Variants in MTUS1 observed in about 807,000 individuals in gnomAD.
The protein encoded by MTUS1 is microtubule associated scaffold protein 1, also known as microtubule-associated tumor suppressor 1.
In MTUS1, 109 loss-of-function variants were observed where a neutral mutation model predicts 120.8. The observed-to-expected ratio is 0.90, with a 90% confidence interval of 0.77 to 1.06. MTUS1 has a LOEUF of 1.06. MTUS1 is among the 50% of genes least tolerant of loss of function. The pLI is 0.00. For missense variants in MTUS1, 2,210 were observed against 1,486.3 expected, an observed-to-expected ratio of 1.49 and a Z score of -8.01; for synonymous variants, 737 against 550.5, an observed-to-expected ratio of 1.34 and a Z score of -4.74.
chr8:17,653,365 A>G, intron 11 of MTUS1, 60 bp downstream of exon 11: 1 of 1,538,676 alleles, frequency 6.5e-7, no homozygotes. Context: ...TTAAAACCAA[A>G]CAAAATCAAA....
chr8:17,787,058 C>A (rs1405871233), intron 1 of MTUS1, among the ~76,000 whole-genome samples: 1 of 152,170 alleles, frequency 6.6e-6, no homozygotes, highest in Non-Finnish European at 1.5e-5. Flanking sequence ...AGCTTCAGGA[C>A]ATCATAAGGG....
At position 17,755,652 on chromosome 8, in the gene MTUS1, A is replaced by G. The variant is rs757587024; in HGVS notation, c.156T>C (p.Asp52=). ...CAGTTTCATAATCAACCACCATGTC[A>G]TCTGGGTTGGCAGAATTCCAGTTCA... ...SSVNWNSANP[D]DMVVDYETDP... is the part of the protein sequence containing the mutation. Residue 52 remains aspartate, a synonymous_variant, in exon 2 of 15, where the codon GAT becomes GAC. Transcript: ENST00000693296. The G allele has an allele frequency of 1.7e-5, 28 of 1,614,082 alleles. No homozygotes were observed. The highest frequency in any genetic ancestry group is 5.0e-5 in the Admixed American group (3 of 60,006).
intron 7 of MTUS1, among the ~76,000 whole-genome samples, chr8:17,683,033 G>T (rs1286414940): frequency 6.6e-6 from 1 of 152,240 alleles, no homozygotes; most frequent in Non-Finnish European, 1.5e-5. Flanking sequence ...AGGACTTTGG[G>T]AGGCCGAGGC....
intron 12 of MTUS1, among the ~76,000 whole-genome samples, chr8:17,651,296 T>C (rs1189170403): frequency 6.6e-6 from 1 of 152,076 alleles, no homozygotes; most frequent in African/African-American, 2.4e-5. Context: ...GTAGGGTGAC[T>C]ATAGTTAATA....
intron 6 of MTUS1, chr8:17,708,738 G>C (rs533710163): frequency 4.6e-5 from 7 of 152,294 alleles, no homozygotes; most frequent in Non-Finnish European, 5.9e-5. Flanking sequence ...ACCCTATAAA[G>C]GCTTTAGTAA....
At chr8:17,770,658 C>G (rs1246786396) in intron 1 of MTUS1, 1 of 152,214 alleles carries the variant, frequency 6.6e-6, no homozygotes, top group Non-Finnish European at 1.5e-5. Context: ...TTCAGCCTTG[C>G]AGCAGTAATA....
In MTUS1 at chr8:17,753,816, A is replaced by C; in HGVS notation, c.1992T>G (p.Pro664=). The change falls in exon 2 of 15, where the codon CCT becomes CCG. Residue 664 remains proline, a synonymous_variant. Transcript: ENST00000693296. ...CATTTTCTTTTTCACCCTTCTTTTC[A>C]GGGCTAATCCTATCAATGTTGGGAA... ...TYVPNIDRIS[P]EKKGEKENGT... The C allele has an allele frequency of 1.9e-6, 3 of 1,613,844 alleles. No individual in the cohort carries two copies. The highest frequency in any genetic ancestry group is 2.5e-6 in the Non-Finnish European group (3 of 1,179,948).
At chr8:17,780,486 T>C (rs1275009761) in intron 1 of MTUS1, among the ~76,000 whole-genome samples, 1 of 152,206 alleles carries the variant, frequency 6.6e-6, no homozygotes, top group East Asian at 1.9e-4. Context: ...TTCCTTCTTG[T>C]CCTAGTGTTC....
chr8:17,707,402 GTC>G (rs1820385604), intron 6 of MTUS1, among the ~76,000 whole-genome samples: 1 of 152,132 alleles, frequency 6.6e-6, no homozygotes, highest in Admixed American at 6.5e-5. Context: ...TACCAGGTTA[GTC>G]TTAAGTCATG....
chr8:17,675,074 G>A, intron 8 of MTUS1, 112 bp downstream of exon 8: 4 of 1,557,506 alleles, frequency 2.6e-6, no homozygotes, highest in South Asian at 2.4e-5. Flanking sequence ...TAGACAGGGA[G>A]TGCCAACAGC....
chr8:17,793,500 T>C (rs757225092), intron 1 of MTUS1, among the ~76,000 whole-genome samples: 7 of 152,142 alleles, frequency 4.6e-5, no homozygotes, highest in Non-Finnish European at 8.8e-5. Context: ...GAATTTCAAA[T>C]TCCCATGCCA....
chr8:17,790,750 G>T (rs2051711122), intron 1 of MTUS1, among the ~76,000 whole-genome samples: 1 of 152,206 alleles, frequency 6.6e-6, no homozygotes, highest in Admixed American at 6.5e-5. Context: ...ACTTCGGGAG[G>T]CCAAGGCAGG....
rs1445551519 is a variant in MTUS1 at position 17,758,171 on chromosome 8, T to C, written c.-154-2210A>G. 3.3e-5 allele frequency: 5 copies of C among 152,368 alleles called. No homozygotes were observed. The East Asian group carries it at 9.6e-4, about 29-fold the overall frequency. The allele number at this position is 152,368 out of a possible 1,614,324, so 9.4% of individuals were successfully genotyped here. On this transcript the variant is annotated intron_variant, in intron 1 of 14. Coordinates refer to ENST00000693296, the MANE Select transcript of MTUS1 (RefSeq NM_001363059.2). ...AAGAGTAGGTCTCATTTTTCTATCT[T>C]GCAGCGTTTTCTCTGCATTCAAACT... is the stretch of plus-strand genomic sequence containing the variant.
intron 4 of MTUS1, chr8:17,721,613 C>G: frequency 4.4e-6 from 6 of 1,369,078 alleles, no homozygotes; most frequent in Non-Finnish European, 5.8e-6. Context: ...CCATAAATTA[C>G]AAGTTACAAA....
chr8:17,649,489 A>C (rs73668806), intron 13 of MTUS1, among the ~76,000 whole-genome samples: 303 of 152,366 alleles, frequency 2.0e-3, no homozygotes, highest in Middle Eastern at 0.01. Context: ...TTTGGATCTA[A>C]GAAACCTGTC....
In MTUS1 at chr8:17,755,275, A is replaced by C. The variant is rs1214694460; in HGVS notation, c.533T>G (p.Ile178Ser). 2.5e-6 allele frequency: 4 copies of C among 1,614,200 alleles called. No individual in the cohort carries two copies. Among genetic ancestry groups the C allele is most frequent in the Non-Finnish European group, 3.4e-6 (4 of 1,180,012 alleles). ...AGTATGGAAGGACTGACTCTTTCCG[A>C]TGGCATGATGTGATATAAAGGTGCA... ...VNCTFISHHAIGKSQSFHTAG... is the reference protein window; with the variant it reads ...VNCTFISHHASGKSQSFHTAG... The change falls in exon 2 of 15, where the codon ATC becomes AGC. Residue 178 changes from isoleucine to serine, a missense_variant. Ile to Ser is a moderately radical substitution (Grantham distance 142, BLOSUM62 -2). Transcript: ENST00000693296.
rs192020508 is a variant in MTUS1, at chr8:17,715,196, G to A, written c.2584+571C>T. On this transcript the variant is annotated intron_variant, in intron 5 of 14. Coordinates refer to ENST00000693296, the MANE Select transcript of MTUS1 (RefSeq NM_001363059.2). ...GCTGGGATTACAGGCGTGAGCCACC[G>A]CATGTGGCACAAAGAAGGCTTCTGA... 3.2e-4 allele frequency among the ~76,000 whole-genome samples: 49 copies of A among 152,054 alleles called. 1 individual carries two copies. The highest frequency in any genetic ancestry group is 6.8e-3 in the Middle Eastern group (2 of 294).
rs542658224 is a variant in MTUS1, at chr8:17,658,861, G to A, written c.2906-2796C>T. The stretch of plus-strand genomic sequence containing the variant: ...GCCCCCAGTCAGTATTCTTTCAGAG[G>A]AAAAGGAGGCCACATTGAAATAATG... On this transcript the variant is annotated intron_variant, in intron 8 of 14. Transcript: ENST00000693296. Among the ~76,000 whole-genome samples, 3 of 152,156 alleles carry A rather than the reference G, an allele frequency of 2.0e-5. No homozygotes were observed. The East Asian group carries it at 5.8e-4, about 29-fold the overall frequency.
intron 8 of MTUS1, among the ~76,000 whole-genome samples, chr8:17,657,991 T>TACATATATAC (rs1379555361): frequency 6.8e-6 from 1 of 146,662 alleles, no homozygotes; most frequent in East Asian, 2.0e-4. Context: ...ACATATATAA[T>TACATATATAC]ACATATATAC....
Sources: gnomAD v4.1 joint callset for allele counts (sites outside exome capture counted in the v4.1 genomes callset) on GRCh38, gnomAD v4.1.1 for gene constraint, MANE v1.5 for transcripts, NCBI Gene and HGNC (gene_info 2026-07-23, HGNC 2026-07-21) for gene names.